MCF2L2: variants seen among roughly 807,000 people sequenced by gnomAD.
MCF2L2 encodes probable guanine nucleotide exchange factor MCF2L2.
Under a neutral mutation model 150.2 loss-of-function variants are expected in MCF2L2, and 102 were observed. The ratio of observed to expected loss-of-function variants is 0.68; its 90% confidence interval spans 0.58 to 0.80. MCF2L2 has a LOEUF of 0.80. Ranked by LOEUF, MCF2L2 falls within the 30% of genes least tolerant of loss-of-function variation. The pLI is 0.00. For missense variants in MCF2L2, 1,256 were observed against 1,372.8 expected (o/e 0.91, Z 1.34); for synonymous variants, 465 against 491.3 (o/e 0.95, Z 0.71).
intron 2 of MCF2L2, among the ~76,000 whole-genome samples, chr3:183,388,447 T>C (rs2108596908): frequency 6.6e-6 from 1 of 152,304 alleles, no homozygotes; most frequent in African/African-American, 2.4e-5. Context: ...GACTGTGCCT[T>C]CAGGAGGCTG....
rs1394240135 is a variant in MCF2L2, at chr3:183,178,645, C to A, written c.*735G>T. Reference sequence around the variant, plus strand: ...ATAAAATTAAATAACCAGAAAGCTACAAAGAAATGAAAATCAACTAATAAA... The same window carrying A: ...ATAAAATTAAATAACCAGAAAGCTAAAAAGAAATGAAAATCAACTAATAAA... On this transcript the variant is annotated 3_prime_UTR_variant, in exon 30 of 30. Coordinates refer to ENST00000328913, the MANE Select transcript of MCF2L2 (RefSeq NM_015078.4). The A allele has an allele frequency of 6.6e-6, 1 of 152,080 alleles. No homozygotes were observed. The highest frequency in any genetic ancestry group is 1.5e-5 in the Non-Finnish European group (1 of 68,014). 9.4% of individuals were successfully genotyped at this position (152,080 alleles called of 1,614,324 possible).
chr3:183,279,737 A>G (rs1245957694), intron 14 of MCF2L2, among the ~76,000 whole-genome samples: 3 of 152,230 alleles, frequency 2.0e-5, no homozygotes, highest in Non-Finnish European at 2.9e-5. Flanking sequence ...CACTGTTACA[A>G]ATACAACAAT....
At chr3:183,306,669 T>C (rs1377694243) in intron 10 of MCF2L2, among the ~76,000 whole-genome samples, 7 of 152,194 alleles carry the variant, frequency 4.6e-5, no homozygotes, top group African/African-American at 1.2e-4. Context: ...AGAAAGCTAA[T>C]GGTTGTTGAA....
At chr3:183,357,297 T>C (rs1189414202) in intron 3 of MCF2L2, among the ~76,000 whole-genome samples, 1 of 152,054 alleles carries the variant, frequency 6.6e-6, no homozygotes, top group Non-Finnish European at 1.5e-5. Flanking sequence ...ACAAGCAAGA[T>C]ACTAATTTTC....
Position 183,227,951 on chromosome 3 carries a change from CTCTAGA to C in MCF2L2, c.2115+340_2115+345del. On this transcript the variant is annotated intron_variant, in intron 18 of 29. Coordinates refer to ENST00000328913, the MANE Select transcript of MCF2L2 (RefSeq NM_015078.4). This position sits in a 1 kb window ranked among gnomAD's most constrained non-coding sequence, Gnocchi z 4.0. ...CCTGTGACCAACATCTCCCTACTTC[CTCTAGA>C]CTCCAGCCCCTGGCAACCACCCTTC... 5.1e-6 allele frequency: 1 copy of C among 194,702 alleles called. No individual in the cohort carries two copies. The allele number at this position is 194,702 out of a possible 1,614,324, so 12.1% of individuals were successfully genotyped here.
intron 22 of MCF2L2, among the ~76,000 whole-genome samples, chr3:183,211,043 T>C (rs1722699545): frequency 6.6e-6 from 1 of 151,584 alleles, no homozygotes; most frequent in Admixed American, 6.6e-5. Context: ...GGCAGTGGAA[T>C]AAACGAGAAG....
chr3:183,226,688 C>T (rs940274644), intron 18 of MCF2L2: 1 of 152,214 alleles, frequency 6.6e-6, no homozygotes, highest in African/African-American at 2.4e-5. Context: ...CCCACAGGAA[C>T]TTTGCCCATT....
At chr3:183,313,558 T>C (rs1186852874) in intron 7 of MCF2L2, among the ~76,000 whole-genome samples, 3 of 152,180 alleles carry the variant, frequency 2.0e-5, no homozygotes, top group African/African-American at 7.2e-5. Context: ...AAATCTGTCA[T>C]GAACACAGAC....
intron 13 of MCF2L2, among the ~76,000 whole-genome samples, chr3:183,294,903 C>G (rs577893910): frequency 6.6e-6 from 1 of 152,098 alleles, no homozygotes; most frequent in African/African-American, 2.4e-5. Flanking sequence ...GCTGGGATTA[C>G]AGGCGTGAGC....
intron 5 of MCF2L2, among the ~76,000 whole-genome samples, chr3:183,333,990 A>C (rs966477825): frequency 6.6e-6 from 1 of 150,480 alleles, no homozygotes; most frequent in Non-Finnish European, 1.5e-5. Context: ...AATGATAGGG[A>C]CATGTCACAA....
intron 3 of MCF2L2, among the ~76,000 whole-genome samples, chr3:183,352,725 T>TC (rs1202392243): frequency 1.3e-5 from 2 of 152,146 alleles, no homozygotes; most frequent in African/African-American, 4.8e-5. Flanking sequence ...GGTATACCCC[T>TC]CCTCACTTCC....
At chr3:183,250,069 T>C (rs1447634625) in intron 15 of MCF2L2, among the ~76,000 whole-genome samples, 1 of 152,202 alleles carries the variant, frequency 6.6e-6, no homozygotes, top group Non-Finnish European at 1.5e-5. Flanking sequence ...ATATAACTTA[T>C]ACAGTGACAA....
chr3:183,211,911 C>A (rs1438757150), intron 22 of MCF2L2, among the ~76,000 whole-genome samples: 1 of 152,110 alleles, frequency 6.6e-6, no homozygotes, highest in Non-Finnish European at 1.5e-5. Context: ...GTCTATGAGA[C>A]CCTCAAAATA....
chr3:183,228,373 A>C lies in MCF2L2; in HGVS notation c.2046-7T>G. ...CAACTCTTTTAGAAAAGTCCTAGAA[A>C]AATAAAAGTATACAAGTAATAATGT... is the stretch of plus-strand genomic sequence containing the variant. On this transcript the variant is annotated splice_polypyrimidine_tract_variant and splice_region_variant and intron_variant, in intron 17 of 29. Coordinates refer to ENST00000328913, the MANE Select transcript of MCF2L2 (RefSeq NM_015078.4). 1.9e-6 allele frequency: 3 copies of C among 1,592,580 alleles called. No individual in the cohort carries two copies. The highest frequency in any genetic ancestry group is 2.6e-6 in the Non-Finnish European group (3 of 1,161,342).
intron 2 of MCF2L2, among the ~76,000 whole-genome samples, chr3:183,381,954 T>TA (rs1226122484): frequency 6.6e-6 from 1 of 152,212 alleles, no homozygotes; most frequent in East Asian, 1.9e-4. Flanking sequence ...AGTAATTGCA[T>TA]AATCAACATT....
rs560298083 is a variant in MCF2L2 at position 183,283,268 on chromosome 3, C to T, written c.1776+5852G>A. 7.9e-5 allele frequency among the ~76,000 whole-genome samples: 12 copies of T among 152,286 alleles called. No homozygotes were observed. In the South Asian group the frequency reaches 1.0e-3, roughly 13 times the overall value. On this transcript the variant is annotated intron_variant, in intron 14 of 29. Transcript: ENST00000328913. The surrounding 1 kb of genome is among the most constrained non-coding windows in gnomAD (Gnocchi z 4.2). ...CTCAGCTGACTGTGACAACTGCCAG[C>T]GGCTGGTCAGCCTGCCTGCCTTCAT...
At chr3:183,360,282 T>C (rs905115875) in intron 3 of MCF2L2, among the ~76,000 whole-genome samples, 3 of 152,090 alleles carry the variant, frequency 2.0e-5, no homozygotes, top group East Asian at 1.9e-4. Context: ...CCAGGCCAGA[T>C]TGGGGTAGAA....
intron 15 of MCF2L2, among the ~76,000 whole-genome samples, chr3:183,262,066 A>AT (rs1232423977): frequency 6.7e-6 from 1 of 148,594 alleles, no homozygotes; most frequent in South Asian, 2.1e-4. Flanking sequence ...GAATGCATAT[A>AT]TATTATATAT....
At position 183,351,190 on chromosome 3, in the gene MCF2L2, G is replaced by GTGTA. The variant is rs1491563903; in HGVS notation, c.276-9561_276-9560insTACA. 2.3e-3 allele frequency among the ~76,000 whole-genome samples: 91 copies of GTGTA among 38,814 alleles called. 4 individuals carry two copies. Among genetic ancestry groups the GTGTA allele is most frequent in the African/African-American group, 5.9e-3 (68 of 11,532 alleles). 25.5% of individuals were successfully genotyped at this position (38,814 alleles called of 152,430 possible). On this transcript the variant is annotated intron_variant, in intron 3 of 29. Transcript: ENST00000328913. Reference sequence around the variant, plus strand: ...GTGTGTGTGATATTTATTTTCTTAAGTATATATATATATATATATATATAT... The same window carrying GTGTA: ...GTGTGTGTGATATTTATTTTCTTAAGTGTATATATATATATATATATATATATAT...
Sources: allele counts gnomAD v4.1 joint callset (sites outside exome capture counted in the v4.1 genomes callset), GRCh38; gene constraint gnomAD v4.1.1; non-coding constraint Gnocchi (gnomAD v3.1); transcripts MANE v1.5; gene names NCBI Gene and HGNC (gene_info 2026-07-23, HGNC 2026-07-21).